Variants in ZNF730 observed in about 807,000 individuals in gnomAD.
ZNF730 encodes zinc finger protein 730.
Under a neutral mutation model 12.6 loss-of-function variants are expected in ZNF730, and 12 were observed. The ratio of observed to expected loss-of-function variants is 0.95; its 90% CI spans 0.61 to 1.54. ZNF730 has a LOEUF of 1.54. Ranked by LOEUF, ZNF730 falls within the 40% of genes most tolerant of loss-of-function variation. The pLI, the probability that ZNF730 is intolerant of heterozygous loss-of-function variation, is 0.00. For missense variants in ZNF730, 643 were observed against 583.5 expected (o/e 1.10, Z -1.05); for synonymous variants, 194 against 195.8 (o/e 0.99, Z 0.08).
At chr19:23,126,774 G>T (rs1366737408) in intron 1 of ZNF730, 2 of 497,920 alleles carry the variant, frequency 4.0e-6, no homozygotes, top group Non-Finnish European at 7.9e-6. Context: ...TTGTTGGGAA[G>T]TTTTAGCCAG....
At chr19:23,134,317 T>A in intron 2 of ZNF730, 111 bp downstream of exon 2, 1 of 994,536 alleles carries the variant, frequency 1.0e-6, no homozygotes, top group Non-Finnish European at 1.4e-6. Flanking sequence ...TTTTTCTTTT[T>A]TTTTTTAAGT....
chr19:23,099,406 G>C lies in ZNF730; in HGVS notation c.-94+24019G>C, dbSNP rs564540828. On this transcript the variant is annotated intron_variant, in intron 1 of 2. Transcript: ENST00000593635. ...TGTCTTGACAGGGCCAAGCACAGAG[G>C]TGAGATTGTGACCCTCATATTCACA... Among the ~76,000 whole-genome samples, 402 of 152,286 alleles carry C rather than the reference G, an allele frequency of 2.6e-3. 3 individuals are homozygous for C. Among genetic ancestry groups the C allele is most frequent in the African/African-American group, 9.1e-3 (377 of 41,562 alleles).
At chr19:23,076,404 C>T (rs1434246117) in intron 1 of ZNF730, among the ~76,000 whole-genome samples, 3 of 152,174 alleles carry the variant, frequency 2.0e-5, no homozygotes, top group Non-Finnish European at 4.4e-5. Flanking sequence ...TAGGTACACA[C>T]ACCTTATTAG....
At chr19:23,128,061 T>G in intron 1 of ZNF730, 1 of 766,814 alleles carries the variant, frequency 1.3e-6, no homozygotes, top group Non-Finnish European at 2.4e-6. Flanking sequence ...ATGAATACAA[T>G]GTGGAAAGCA....
intron 3 of ZNF730, among the ~76,000 whole-genome samples, chr19:23,140,423 AACATG>A (rs1252305931): frequency 6.6e-6 from 1 of 150,574 alleles, no homozygotes; most frequent in African/African-American, 2.4e-5. Flanking sequence ...CAGCCTGGCC[AACATG>A]GTGAGACCCC....
chr19:23,134,018 T>C, intron 1 of ZNF730, 62 bp from the exon 2 acceptor site: 1 of 1,597,130 alleles, frequency 6.3e-7, no homozygotes, highest in Non-Finnish European at 8.5e-7. Flanking sequence ...TCACCTTGAG[T>C]GAAACTTAAA....
chr19:23,136,420 T>C (rs1970833360), intron 3 of ZNF730, among the ~76,000 whole-genome samples: 1 of 152,120 alleles, frequency 6.6e-6, no homozygotes, highest in Non-Finnish European at 1.5e-5. Context: ...ATTTATTTTT[T>C]TTGAGACGGA....
In ZNF730 at chr19:23,146,215, A is replaced by C; in HGVS notation, c.1171A>C (p.Thr391Pro). 2 of 1,611,554 alleles carry C rather than the reference A, an allele frequency of 1.2e-6. No individual in the cohort carries two copies. The highest frequency in any genetic ancestry group is 1.7e-6 in the Non-Finnish European group (2 of 1,178,570). ...STLTIHKIIHTVEKFYKCEEC... is the reference protein window; with the variant it reads ...STLTIHKIIHPVEKFYKCEEC... Reference sequence around the variant, plus strand: ...TCTTACTATACATAAGATAATTCATACTGTAGAGAAATTTTACAAATGTGA... The same window carrying C: ...TCTTACTATACATAAGATAATTCATCCTGTAGAGAAATTTTACAAATGTGA... Residue 391 changes from threonine (T) to proline (P), a missense_variant, in exon 4 of 4, where the codon ACT (threonine) becomes CCT (proline). Coordinates refer to ENST00000597761, the MANE Select transcript of ZNF730 (RefSeq NM_001277403.2).
intron 2 of ZNF730, among the ~76,000 whole-genome samples, chr19:23,134,490 C>G (rs1352257921): frequency 6.8e-6 from 1 of 147,686 alleles, no homozygotes. Flanking sequence ...GCCAGCCCCC[C>G]GCCCGGCCGG....
chr19:23,100,944 A>G (rs1489475993), intron 1 of ZNF730, among the ~76,000 whole-genome samples: 1 of 152,120 alleles, frequency 6.6e-6, no homozygotes, highest in African/African-American at 2.4e-5. Context: ...GTGAACCACC[A>G]TGCCCGGCAG....
At chr19:23,088,171 C>G (rs926041392) in intron 1 of ZNF730, among the ~76,000 whole-genome samples, 4 of 151,450 alleles carry the variant, frequency 2.6e-5, no homozygotes, top group Non-Finnish European at 4.4e-5. Flanking sequence ...AGGTGCCCAC[C>G]ACCACGCCTG....
Position 23,146,171 on chromosome 19 carries a change from C to A in ZNF730, c.1127C>A (p.Ala376Asp). 2 of 1,607,944 alleles carry A rather than the reference C, an allele frequency of 1.2e-6. No homozygotes were observed. Among genetic ancestry groups the A allele is most frequent in the Non-Finnish European group, 1.7e-6 (2 of 1,176,786 alleles). Residue 376 changes from alanine (A) to aspartate (D), a missense_variant, in exon 4 of 4, where the codon GCT becomes GAT. By Grantham distance (126) the Ala-to-Asp change is moderately radical (BLOSUM62 -2). Coordinates refer to ENST00000597761, the MANE Select transcript of ZNF730 (RefSeq NM_001277403.2). The stretch of plus-strand genomic sequence containing the variant: ...TACAAATATAAAGAATGTGGTAAAG[C>A]TTTTAACCAATCCTCAACTCTTACT... ...KPYKYKECGKAFNQSSTLTIH... is the reference protein window; with the variant it reads ...KPYKYKECGKDFNQSSTLTIH...
chr19:23,144,907 T>G (rs1373851327), intron 3 of ZNF730, among the ~76,000 whole-genome samples: 1 of 152,054 alleles, frequency 6.6e-6, no homozygotes, highest in African/African-American at 2.4e-5. Flanking sequence ...GAAATAAAGA[T>G]GTATGTGCCA....
intron 1 of ZNF730, among the ~76,000 whole-genome samples, chr19:23,124,645 T>A (rs1339759434): frequency 6.6e-6 from 1 of 152,230 alleles, no homozygotes; most frequent in African/African-American, 2.4e-5. Flanking sequence ...ATGCTACTTC[T>A]TTCTCAGTGT....
At chr19:23,113,768 C>T (rs1970482039), upstream of ZNF730, among the ~76,000 whole-genome samples, 1 of 152,028 alleles carries the variant, frequency 6.6e-6, no homozygotes, top group Admixed American at 6.6e-5. Flanking sequence ...TTTACAAAAC[C>T]CATAGTTCTG....
chr19:23,096,578 T>A (rs915952307), intron 1 of ZNF730, among the ~76,000 whole-genome samples: 6 of 152,190 alleles, frequency 3.9e-5, no homozygotes, highest in African/African-American at 1.4e-4. Flanking sequence ...TTGTTACATA[T>A]AGCTGGGCGC....
At position 23,107,525 on chromosome 19, in the gene ZNF730, C is replaced by T. The variant is rs117852372; in HGVS notation, c.-93-26555C>T. Among the ~76,000 whole-genome samples the T allele has an allele frequency of 5.5e-4, 80 of 144,264 alleles. 1 individual carries two copies. In the East Asian group the frequency reaches 0.014, roughly 25 times the overall value. The allele number at this position is 144,264 out of a possible 152,430, so 94.6% of individuals were successfully genotyped here. A position where few individuals can be genotyped will look rare whatever the true frequency, so the allele number is the denominator to read the frequency against. ...TTTTTTTAAAGTAGAGACAGGGTCT[C>T]ACCATGTTGCCCAAGCTCGTCTTGA... On this transcript the variant is annotated intron_variant, in intron 1 of 2. Transcript: ENST00000593635.
intron 1 of ZNF730, chr19:23,095,674 T>C: frequency 2.6e-6 from 1 of 378,686 alleles, no homozygotes; most frequent in Non-Finnish European, 4.7e-6. Context: ...GTGATGTGAG[T>C]CTCCTGCCTG....
intron 1 of ZNF730, among the ~76,000 whole-genome samples, chr19:23,097,955 A>AT (rs1324206970): frequency 6.6e-6 from 1 of 152,160 alleles, no homozygotes; most frequent in Non-Finnish European, 1.5e-5. Context: ...CCTGGCCAAC[A>AT]TGGCAAAACG....
Sources: gnomAD v4.1 joint callset for allele counts (sites outside exome capture counted in the v4.1 genomes callset) on GRCh38, gnomAD v4.1.1 for gene constraint, MANE v1.5 for transcripts, NCBI Gene and HGNC (gene_info 2026-07-23, HGNC 2026-07-21) for gene names.